DNAH7: variants seen among roughly 807,000 people sequenced by gnomAD.
DNAH7 encodes dynein axonemal heavy chain 7.
A neutral mutation model predicts 444.6 loss-of-function variants in DNAH7; 397 were observed. The ratio of observed to expected loss-of-function variants is 0.89; its 90% confidence interval spans 0.82 to 0.97. DNAH7 has a LOEUF of 0.97. DNAH7 is among the 50% of genes least tolerant of loss of function. The pLI is 0.00. For synonymous variants in DNAH7, 1,636 were observed against 1,624.4 expected (o/e 1.01, Z -0.17); for missense variants, 4,902 against 4,800.8 (o/e 1.02, Z -0.62).
At chr2:195,986,990 T>TA in intron 14 of DNAH7, 76 bp downstream of exon 14, 2 of 1,289,428 alleles carry the variant, frequency 1.6e-6, no homozygotes, top group Non-Finnish European at 2.1e-6. Flanking sequence ...TTTAATCAAT[T>TA]ACTCTAGTTG....
chr2:195,969,052 A>G (rs572455929), intron 17 of DNAH7, among the ~76,000 whole-genome samples: 18 of 152,332 alleles, frequency 1.2e-4, no homozygotes, highest in African/African-American at 4.3e-4. Context: ...CCTGTTTTCA[A>G]TGCTTCTTTC....
chr2:196,001,793 T>A lies in DNAH7; in HGVS notation c.1055A>T (p.Asp352Val). Residue 352 changes from aspartate (D) to valine (V), a missense_variant, in exon 11 of 65, where the codon GAC becomes GTC. Asp to Val is a radical substitution (Grantham distance 152, BLOSUM62 -3). Coordinates refer to ENST00000312428, the MANE Select transcript of DNAH7 (RefSeq NM_018897.3). ...AAAAGATTCCAATTTGGCACTGCTG[T>A]CACCAGTTGGCAATTGCTTTTTTTT... ...GNKKKQLPTG[D>V]SSAKLESFFN... 6.2e-7 allele frequency: 1 copy of A among 1,613,320 alleles called. No individual in the cohort carries two copies. The highest frequency in any genetic ancestry group is 8.5e-7 in the Non-Finnish European group (1 of 1,179,650).
chr2:196,039,627 G>A (rs1696604966), intron 5 of DNAH7, among the ~76,000 whole-genome samples: 1 of 151,854 alleles, frequency 6.6e-6, no homozygotes, highest in African/African-American at 2.4e-5. Flanking sequence ...GCAAAACCCT[G>A]TCTCTGCTAA....
At chr2:195,986,502 A>C (rs139375418) in intron 14 of DNAH7, among the ~76,000 whole-genome samples, 1 of 152,292 alleles carries the variant, frequency 6.6e-6, no homozygotes, top group East Asian at 1.9e-4. Flanking sequence ...CAACATTACC[A>C]CCAGTTGTTG....
In DNAH7 at chr2:195,934,670, A is replaced by G. The variant is rs76561342; in HGVS notation, c.3392T>C (p.Ile1131Thr). The part of the protein sequence containing the change: ...EGEVVELIEI[I>T]STAKARGQVE... ...TTGACCTCTGGCTTTGGCTGTTGAA[A>G]TAATCTCTATGAGTTCTACAACCTC... is the stretch of plus-strand genomic sequence containing the variant. Residue 1131 changes from isoleucine (I) to threonine (T), a missense_variant, in exon 21 of 65, where the codon ATT becomes ACT. Physicochemically the swap from Ile to Thr is moderately conservative, Grantham distance 89 (BLOSUM62 -1). Transcript: ENST00000312428. 0.014 allele frequency: 22,484 copies of G among 1,614,112 alleles called. 1,888 individuals are homozygous for G. The East Asian group carries it at 0.25, about 18-fold the overall frequency.
intron 59 of DNAH7, among the ~76,000 whole-genome samples, chr2:195,777,487 A>G (rs1455852002): frequency 3.3e-5 from 5 of 152,204 alleles, no homozygotes; most frequent in Non-Finnish European, 7.3e-5. Context: ...TGCTAATACC[A>G]TCTCTTATGT....
intron 36 of DNAH7, 98 bp from the exon 37 acceptor site, chr2:195,876,797 C>T: frequency 1.2e-6 from 1 of 812,358 alleles, no homozygotes; most frequent in East Asian, 2.7e-5. Flanking sequence ...CGAATTTAAC[C>T]TTAAGTGTTG....
At chr2:196,049,665 C>T (rs1697344966) in intron 3 of DNAH7, among the ~76,000 whole-genome samples, 1 of 152,164 alleles carries the variant, frequency 6.6e-6, no homozygotes, top group South Asian at 2.1e-4. Flanking sequence ...ACCCATAAGA[C>T]TCAAAGAATG....
intron 48 of DNAH7, among the ~76,000 whole-genome samples, chr2:195,830,223 T>C (rs1447304887): frequency 2.6e-5 from 4 of 152,166 alleles, no homozygotes; most frequent in Non-Finnish European, 4.4e-5. Flanking sequence ...TTGCAAAGCT[T>C]ATGGGAAATC....
intron 51 of DNAH7, among the ~76,000 whole-genome samples, chr2:195,814,260 T>A (rs554651794): frequency 6.6e-6 from 1 of 152,338 alleles, no homozygotes; most frequent in East Asian, 1.9e-4. Flanking sequence ...AATTATACTT[T>A]TAGTATTACG....
At chr2:195,998,972 C>T (rs562489510) in intron 12 of DNAH7, 5 of 618,678 alleles carry the variant, frequency 8.1e-6, no homozygotes, top group African/African-American at 3.7e-5. Context: ...GAGCAGCTGC[C>T]CTGGGGACCC....
At position 195,936,503 on chromosome 2, in the gene DNAH7, A is replaced by G; in HGVS notation, c.3272+96T>C. The G allele has an allele frequency of 6.7e-6, 5 of 749,892 alleles. 1 individual carries two copies. Among genetic ancestry groups the G allele is most frequent in the Non-Finnish European group, 9.9e-6 (5 of 504,306 alleles). The allele number at this position is 749,892 out of a possible 1,614,324, so 46.5% of individuals were successfully genotyped here. A position where few individuals can be genotyped will look rare whatever the true frequency, so the allele number is the denominator to read the frequency against. ...AACATTCTTGTAGAAAAAATATTAT[A>G]TAAACATGATTATATATATTTATGT... On this transcript the variant is annotated intron_variant, in intron 20 of 64. Coordinates refer to ENST00000312428, the MANE Select transcript of DNAH7 (RefSeq NM_018897.3).
chr2:195,999,719 C>T (rs925864846), intron 12 of DNAH7, among the ~76,000 whole-genome samples: 3 of 152,024 alleles, frequency 2.0e-5, no homozygotes, highest in African/African-American at 7.2e-5. Context: ...TAATGGAATT[C>T]CTGAAAAATA....
Position 196,058,008 on chromosome 2 carries a change from A to T in DNAH7, c.78+46T>A, listed in dbSNP as rs12615458. On this transcript the variant is annotated intron_variant, in intron 2 of 64. Coordinates refer to ENST00000312428, the MANE Select transcript of DNAH7 (RefSeq NM_018897.3). ...TTCAAGCTTGAAAAGTAGTAAACAA[A>T]CATTATCATAAAGGAATGAAGTATG... 7,105 of 1,344,112 alleles carry T rather than the reference A, an allele frequency of 5.3e-3. 150 individuals carry two copies. In the East Asian group the frequency reaches 0.06, roughly 11 times the overall value. 83.3% of individuals were successfully genotyped at this position (1,344,112 alleles called of 1,614,324 possible).
At chr2:195,977,917 G>GTTCT (rs1692309061) in intron 15 of DNAH7, among the ~76,000 whole-genome samples, 1 of 152,114 alleles carries the variant, frequency 6.6e-6, no homozygotes, top group Admixed American at 6.6e-5. Context: ...CAAACATAAA[G>GTTCT]GGGAAAGAAG....
intron 48 of DNAH7, 100 bp downstream of exon 48, chr2:195,834,106 C>T: frequency 8.0e-7 from 1 of 1,242,996 alleles, no homozygotes; most frequent in Non-Finnish European, 1.1e-6. Context: ...ACTTGGTAGG[C>T]TGAGGTGGGA....
intron 21 of DNAH7, among the ~76,000 whole-genome samples, chr2:195,932,378 A>C (rs1688757723): frequency 6.6e-6 from 1 of 152,098 alleles, no homozygotes; most frequent in Non-Finnish European, 1.5e-5. Flanking sequence ...AGACAGTTTG[A>C]CTTCCTCTTT....
At chr2:195,771,567 C>T (rs1204331415) in intron 61 of DNAH7, 93 bp downstream of exon 61, 1 of 938,590 alleles carries the variant, frequency 1.1e-6, no homozygotes, top group Non-Finnish European at 1.7e-6. Flanking sequence ...CAAAACAGTG[C>T]TTATACAGTA....
chr2:195,976,996 C>A (rs974960666), intron 15 of DNAH7, among the ~76,000 whole-genome samples: 2 of 152,142 alleles, frequency 1.3e-5, no homozygotes, highest in African/African-American at 4.8e-5. Context: ...TAAGTCCCTT[C>A]AAATACCTGG....
Sources: allele counts gnomAD v4.1 joint callset (sites outside exome capture counted in the v4.1 genomes callset), GRCh38; gene constraint gnomAD v4.1.1; transcripts MANE v1.5; gene names NCBI Gene and HGNC (gene_info 2026-07-23, HGNC 2026-07-21).